ATP9A: variants seen among roughly 807,000 people sequenced by gnomAD.
The protein encoded by ATP9A is probable phospholipid-transporting ATPase IIA.
ATP9A carries 52 observed loss-of-function variants against 144.1 expected under a neutral mutation model. That is an observed-to-expected ratio of 0.36 (90% confidence interval 0.29 to 0.45). ATP9A has a LOEUF of 0.45. Among genes scored for constraint, ATP9A ranks in the 20% least tolerant of loss-of-function variants. The pLI, the probability that ATP9A is intolerant of heterozygous loss-of-function variation, is 1.00. For missense variants in ATP9A, 947 were observed against 1,392.7 expected, an observed-to-expected ratio of 0.68 and a Z score of 5.09; for synonymous variants, 582 against 557.4, an observed-to-expected ratio of 1.04 and a Z score of -0.62.
chr20:51,635,325 C>T (rs2077286258), intron 15 of ATP9A, among the ~76,000 whole-genome samples: 1 of 152,168 alleles, frequency 6.6e-6, no homozygotes, highest in Admixed American at 6.5e-5. Context: ...GTGGGTCCTA[C>T]CACCATAGAA....
At chr20:51,718,654 A>C (rs1415663082) in intron 3 of ATP9A, among the ~76,000 whole-genome samples, 1 of 145,558 alleles carries the variant, frequency 6.9e-6, no homozygotes, top group Non-Finnish European at 1.5e-5. Context: ...CCCATCTCTA[A>C]AACTACAAAA....
chr20:51,747,175 G>A (rs186550694), intron 1 of ATP9A, among the ~76,000 whole-genome samples: 1,710 of 149,194 alleles, frequency 0.011, 39 homozygotes, highest in African/African-American at 0.04. Context: ...AAGAAGCGAA[G>A]TCTGAAGTCT....
intron 3 of ATP9A, among the ~76,000 whole-genome samples, chr20:51,725,036 A>G (rs111585490): frequency 0.068 from 10,304 of 152,200 alleles, 788 homozygotes; most frequent in African/African-American, 0.19. Context: ...CTGAAATCCA[A>G]AATGCTCCAG....
At chr20:51,743,417 T>TTTTTTTTA (rs2077793509) in intron 1 of ATP9A, among the ~76,000 whole-genome samples, 1 of 146,416 alleles carries the variant, frequency 6.8e-6, no homozygotes, top group Non-Finnish European at 1.5e-5. Flanking sequence ...TTTTTTTTTT[T>TTTTTTTTA]GAGACGGAGT....
At chr20:51,647,258 C>T (rs6123061) in intron 14 of ATP9A, among the ~76,000 whole-genome samples, 70,078 of 152,048 alleles carry the variant, frequency 0.46, 17,689 homozygotes, top group East Asian at 0.8. Flanking sequence ...TAAGAAATGA[C>T]TATTTATAGA....
At chr20:51,632,365 C>G (rs1263954873) in intron 15 of ATP9A, among the ~76,000 whole-genome samples, 2 of 152,194 alleles carry the variant, frequency 1.3e-5, no homozygotes, top group Non-Finnish European at 2.9e-5. Flanking sequence ...CAGGAGCCAC[C>G]GTACCAAGCC....
chr20:51,767,606 G>A (rs984887825), intron 1 of ATP9A, among the ~76,000 whole-genome samples: 3 of 152,212 alleles, frequency 2.0e-5, no homozygotes, highest in African/African-American at 7.2e-5. Context: ...TGCGGGAAGG[G>A]CACAGCAGGT....
chr20:51,616,832 C>T (rs1245053808), intron 22 of ATP9A, among the ~76,000 whole-genome samples: 1 of 152,130 alleles, frequency 6.6e-6, no homozygotes, highest in Non-Finnish European at 1.5e-5. Context: ...TCTTCCATAG[C>T]GCCCAAGAGA....
At chr20:51,690,673 T>C (rs2077544475) in intron 8 of ATP9A, 66 bp downstream of exon 8, 4 of 1,350,140 alleles carry the variant, frequency 3.0e-6, no homozygotes, top group East Asian at 2.3e-5. Flanking sequence ...TCAGTACTTC[T>C]TGGCCTTCAT....
chr20:51,663,452 T>A (rs1486886538), intron 13 of ATP9A, among the ~76,000 whole-genome samples: 1 of 148,240 alleles, frequency 6.7e-6, no homozygotes, highest in South Asian at 2.2e-4. Context: ...GAGTAAAAAA[T>A]GAAGTAGGCT....
chr20:51,599,795 T>C lies in ATP9A; in HGVS notation c.*1416A>G, dbSNP rs1278172529. ...CGCCAGGCAGAGGGTTTGAAGGATA[T>C]GTATTCATCAAGAAGTAAACGCAAA... On this transcript the variant is annotated 3_prime_UTR_variant, in exon 28 of 28. Transcript: ENST00000338821. The C allele has an allele frequency of 1.3e-5, 2 of 151,840 alleles. No homozygotes were observed. Among genetic ancestry groups the C allele is most frequent in the Admixed American group, 6.5e-5 (1 of 15,276 alleles). The allele number at this position is 151,840 out of a possible 1,614,324, so 9.4% of individuals were successfully genotyped here.
chr20:51,720,387 C>T (rs1359201252), intron 3 of ATP9A, among the ~76,000 whole-genome samples: 1 of 152,136 alleles, frequency 6.6e-6, no homozygotes, highest in African/African-American at 2.4e-5. Context: ...GAGTATTTCA[C>T]ATAAAACTAT....
intron 15 of ATP9A, among the ~76,000 whole-genome samples, chr20:51,638,010 C>T (rs1222535656): frequency 1.4e-5 from 2 of 140,382 alleles, no homozygotes; most frequent in Non-Finnish European, 3.0e-5. Context: ...CCAATCCCAT[C>T]CAGTTTGCAG....
chr20:51,610,741 G>A (rs1023259679), intron 23 of ATP9A, among the ~76,000 whole-genome samples: 8 of 152,242 alleles, frequency 5.3e-5, no homozygotes, highest in African/African-American at 1.9e-4. Context: ...CCGTAGGTAT[G>A]GAAACACATA....
chr20:51,708,570 A>T (rs1011040165), intron 4 of ATP9A, among the ~76,000 whole-genome samples: 1 of 151,856 alleles, frequency 6.6e-6, no homozygotes, highest in Non-Finnish European at 1.5e-5. Flanking sequence ...CCTCGTCTCT[A>T]TTAAAAATAC....
rs780250306 is a variant in ATP9A at position 51,671,189 on chromosome 20, G to A, written c.1106C>T (p.Pro369Leu). The A allele has an allele frequency of 2.5e-6, 4 of 1,614,052 alleles. No homozygotes were observed. The highest frequency in any genetic ancestry group is 2.5e-6 in the Non-Finnish European group (3 of 1,179,996). ...CGTGCTGGAGCGAACCACGGTCCCG[G>A]GGATTTTCGAGTCCCTTCGAATCAC... is the stretch of plus-strand genomic sequence containing the variant. ...SWVIRRDSKI[P>L]GTVVRSSTIP... The change falls in exon 12 of 28, where the codon CCC (proline) becomes CTC (leucine). Residue 369 changes from proline to leucine, a missense_variant. Transcript: ENST00000338821.
Position 51,753,733 on chromosome 20 carries a change from C to G in ATP9A, c.68+14569G>C, listed in dbSNP as rs529320642. On this transcript the variant is annotated intron_variant, in intron 1 of 27. Coordinates refer to ENST00000338821, the MANE Select transcript of ATP9A (RefSeq NM_006045.3). Reference sequence around the variant, plus strand: ...CCAGGCTAGAGAGCAGTGGCACGATCTCGACTCACTGCAACCTCCGCCTCC... The same window carrying G: ...CCAGGCTAGAGAGCAGTGGCACGATGTCGACTCACTGCAACCTCCGCCTCC... 1.9e-3 allele frequency among the ~76,000 whole-genome samples: 291 copies of G among 149,420 alleles called. 1 individual carries two copies. In the Middle Eastern group the frequency reaches 0.024, roughly 12 times the overall value.
At chr20:51,729,769 A>C (rs2077732087) in intron 2 of ATP9A, 65 bp downstream of exon 2, 1 of 1,466,538 alleles carries the variant, frequency 6.8e-7, no homozygotes, top group African/African-American at 1.4e-5. Context: ...ATGACATAAC[A>C]TCTGTACCAA....
chr20:51,630,688 C>T (rs1320534934), intron 15 of ATP9A, among the ~76,000 whole-genome samples: 2 of 151,670 alleles, frequency 1.3e-5, no homozygotes, highest in South Asian at 2.1e-4. Flanking sequence ...GCAACAAGAG[C>T]GAAACTCCAT....
Sources: allele counts gnomAD v4.1 joint callset (sites outside exome capture counted in the v4.1 genomes callset), GRCh38; gene constraint gnomAD v4.1.1; transcripts MANE v1.5; gene names NCBI Gene and HGNC (gene_info 2026-07-23, HGNC 2026-07-21).